The following STARD13 variants were observed in gnomAD, a reference collection of about 807,000 sequenced individuals.
The protein encoded by STARD13 is stAR-related lipid transfer protein 13.
A neutral mutation model predicts 106.4 loss-of-function variants in STARD13; 62 were observed. That is an observed-to-expected ratio of 0.58 (90% CI 0.48 to 0.72). The LOEUF (loss-of-function observed/expected upper bound fraction) is 0.72. Among genes scored for constraint, STARD13 ranks in the 30% least tolerant of loss-of-function variants. The pLI, the probability that STARD13 is intolerant of heterozygous loss-of-function variation, is 0.00. For synonymous variants in STARD13, 565 were observed against 553.0 expected, an observed-to-expected ratio of 1.02 and a Z score of -0.31; for missense variants, 1,387 against 1,424.0, an observed-to-expected ratio of 0.97 and a Z score of 0.42.
the STARD13 span, among the ~76,000 whole-genome samples, chr13:33,487,409 A>G: frequency 5.9e-5 from 9 of 152,218 alleles, no homozygotes; most frequent in Admixed American, 2.0e-4. Flanking sequence ...TTAAAAATAC[A>G]CAAAATTACT....
chr13:33,648,783 C>CTTTTTTT, the STARD13 span, among the ~76,000 whole-genome samples: 128 of 76,968 alleles, frequency 1.7e-3, no homozygotes, highest in East Asian at 2.5e-3. Context: ...TTTTCTCTTT[C>CTTTTTTT]TTTTTTTTTT....
the STARD13 span, among the ~76,000 whole-genome samples, chr13:33,494,767 C>T: frequency 6.6e-6 from 1 of 151,846 alleles, no homozygotes; most frequent in Admixed American, 6.6e-5. Context: ...ATGAGAATGA[C>T]CAGTTGGCCA....
chr13:33,448,050 T>C, the STARD13 span, among the ~76,000 whole-genome samples: 1 of 151,968 alleles, frequency 6.6e-6, no homozygotes, highest in Non-Finnish European at 1.5e-5. Flanking sequence ...ATTATCGTTA[T>C]TATTATTAAA....
the STARD13 span, among the ~76,000 whole-genome samples, chr13:33,658,568 CT>C: frequency 1.3e-5 from 2 of 152,304 alleles, no homozygotes; most frequent in East Asian, 3.9e-4. Flanking sequence ...TCTGGAGTAT[CT>C]TTTTCTCAAC....
chr13:33,425,090 G>T, the STARD13 span, among the ~76,000 whole-genome samples: 2 of 152,190 alleles, frequency 1.3e-5, no homozygotes, highest in African/African-American at 2.4e-5. Flanking sequence ...ACTCTGAGAA[G>T]ATGAACAAAA....
At chr13:33,508,497 G>A in the STARD13 span, among the ~76,000 whole-genome samples, 5 of 152,274 alleles carry the variant, frequency 3.3e-5, no homozygotes, top group East Asian at 5.8e-4. Context: ...AGTCAGAGAA[G>A]CCAAGAAATT....
the STARD13 span, among the ~76,000 whole-genome samples, chr13:33,417,395 G>C: frequency 6.6e-6 from 1 of 152,058 alleles, no homozygotes; most frequent in Non-Finnish European, 1.5e-5. Context: ...GAAAACTAAC[G>C]AAAGAAATGT....
At chr13:33,388,158 GA>G in the STARD13 span, among the ~76,000 whole-genome samples, 18 of 152,210 alleles carry the variant, frequency 1.2e-4, no homozygotes, top group Non-Finnish European at 2.5e-4. Context: ...GAGGCGAGCA[GA>G]GCCAACAGGA....
chr13:33,656,366 A>T, the STARD13 span, among the ~76,000 whole-genome samples: 1 of 152,264 alleles, frequency 6.6e-6, no homozygotes, highest in Non-Finnish European at 1.5e-5. Flanking sequence ...AGAAATATCT[A>T]AAAGTCTTGA....
intron 2 of STARD13, 51 bp from the exon 3 acceptor site, chr13:33,165,469 C>A: frequency 1.5e-6 from 2 of 1,363,506 alleles, no homozygotes; most frequent in Non-Finnish European, 2.1e-6. Flanking sequence ...TCTGAATGAG[C>A]ACCAACATAT....
At chr13:33,608,552 T>G in the STARD13 span, among the ~76,000 whole-genome samples, 2 of 152,112 alleles carry the variant, frequency 1.3e-5, no homozygotes, top group Non-Finnish European at 2.9e-5. Flanking sequence ...TGAGCAAACA[T>G]AGAAATCAGC....
At chr13:33,655,214 G>A in the STARD13 span, among the ~76,000 whole-genome samples, 3 of 152,186 alleles carry the variant, frequency 2.0e-5, no homozygotes, top group Non-Finnish European at 4.4e-5. Flanking sequence ...TAGTGGATGG[G>A]CATAAACAAC....
chr13:33,342,055 T>C (rs2138596007), intron 1 of STARD13, among the ~76,000 whole-genome samples: 1 of 152,290 alleles, frequency 6.6e-6, no homozygotes, highest in Non-Finnish European at 1.5e-5. Flanking sequence ...ACAGCTTCCC[T>C]AAGTGCTGGG....
the STARD13 span, among the ~76,000 whole-genome samples, chr13:33,668,009 C>T: frequency 0.012 from 1,891 of 152,296 alleles, 45 homozygotes; most frequent in African/African-American, 0.043. Context: ...TATAAACAAT[C>T]CGGTTGTTTC....
the STARD13 span, among the ~76,000 whole-genome samples, chr13:33,396,365 GA>G: frequency 2.0e-5 from 3 of 152,274 alleles, no homozygotes; most frequent in East Asian, 3.9e-4. Flanking sequence ...AAGTTAATCT[GA>G]CATTTCCTCA....
At chr13:33,549,657 C>A in the STARD13 span, among the ~76,000 whole-genome samples, 1 of 152,092 alleles carries the variant, frequency 6.6e-6, no homozygotes, top group Non-Finnish European at 1.5e-5. Flanking sequence ...TGGCTATTTC[C>A]CCATGGATCA....
intron 1 of STARD13, among the ~76,000 whole-genome samples, chr13:33,260,092 T>G (rs1195263752): frequency 6.6e-6 from 1 of 151,988 alleles, no homozygotes; most frequent in Non-Finnish European, 1.5e-5. Flanking sequence ...GTCTAATTTC[T>G]ACAAAGAACC....
chr13:33,520,593 C>T, the STARD13 span, among the ~76,000 whole-genome samples: 4 of 152,192 alleles, frequency 2.6e-5, no homozygotes, highest in African/African-American at 4.8e-5. Flanking sequence ...GCTTGCCCCT[C>T]GGGTAGTGCT....
chr13:33,401,237 T>A, the STARD13 span, among the ~76,000 whole-genome samples: 10 of 151,814 alleles, frequency 6.6e-5, no homozygotes, highest in Admixed American at 6.6e-4. Context: ...TATTTAAACA[T>A]TTTTTTTCTG....
Sources: allele counts gnomAD v4.1 joint callset (sites outside exome capture counted in the v4.1 genomes callset), GRCh38; gene constraint gnomAD v4.1.1; transcripts MANE v1.5; gene names NCBI Gene and HGNC (gene_info 2026-07-23, HGNC 2026-07-21).